Variants in PBX1 observed in about 807,000 individuals in gnomAD.
PBX1 encodes the protein pre-B-cell leukemia transcription factor 1.
PBX1 carries 6 observed loss-of-function variants against 53.4 expected under a neutral mutation model. The observed-to-expected ratio is 0.11, with a 90% CI of 0.06 to 0.22. The LOEUF is 0.22. Ranked by LOEUF, PBX1 falls within the 10% of genes least tolerant of loss-of-function variation. PBX1 has a pLI of 1.00. For missense variants in PBX1, 251 were observed against 551.4 expected (o/e 0.46, Z 5.46); for synonymous variants, 204 against 212.3 (o/e 0.96, Z 0.34).
At chr1:164,854,137 C>T (rs1268069347), downstream of PBX1, 1 of 151,894 alleles carries the variant, frequency 6.6e-6, no homozygotes, top group Non-Finnish European at 1.5e-5. Flanking sequence ...AACTCCTGGC[C>T]TCAAGTGATC....
At chr1:164,776,005 T>C (rs376128742) in intron 2 of PBX1, among the ~76,000 whole-genome samples, 1 of 152,202 alleles carries the variant, frequency 6.6e-6, no homozygotes, top group African/African-American at 2.4e-5. Flanking sequence ...TGTATACTAA[T>C]AATCGGTTTG....
chr1:164,677,701 A>G (rs1661515335), intron 2 of PBX1, among the ~76,000 whole-genome samples: 1 of 152,206 alleles, frequency 6.6e-6, no homozygotes, highest in Middle Eastern at 3.4e-3. Flanking sequence ...GAACAGATAC[A>G]TAGAAATCTT....
chr1:164,690,357 T>C (rs539191501), intron 2 of PBX1, among the ~76,000 whole-genome samples: 5 of 152,302 alleles, frequency 3.3e-5, no homozygotes, highest in Non-Finnish European at 4.4e-5. Flanking sequence ...TTTACAATTA[T>C]ATTTTTTGGA....
chr1:164,679,284 G>A (rs1178658096), intron 2 of PBX1, among the ~76,000 whole-genome samples: 1 of 152,154 alleles, frequency 6.6e-6, no homozygotes, highest in Non-Finnish European at 1.5e-5. Flanking sequence ...GCCAAATTCT[G>A]CACTTTTTGT....
chr1:164,664,762 T>C (rs1660708091), intron 2 of PBX1, among the ~76,000 whole-genome samples: 1 of 152,130 alleles, frequency 6.6e-6, no homozygotes, highest in African/African-American at 2.4e-5. Context: ...TCATATCTTA[T>C]GTGGATGGCA....
chr1:164,589,479 G>T (rs1655207321), intron 2 of PBX1, among the ~76,000 whole-genome samples: 1 of 152,060 alleles, frequency 6.6e-6, no homozygotes, highest in African/African-American at 2.4e-5. Context: ...GGGATATAAG[G>T]GTTCACCTTT....
chr1:164,798,028 G>A (rs1668871040), intron 3 of PBX1, among the ~76,000 whole-genome samples: 1 of 152,182 alleles, frequency 6.6e-6, no homozygotes, highest in South Asian at 2.1e-4. Context: ...TGAAGGGTCA[G>A]GAATGATTAA....
At chr1:164,678,138 G>A (rs556758477) in intron 2 of PBX1, among the ~76,000 whole-genome samples, 2 of 152,230 alleles carry the variant, frequency 1.3e-5, no homozygotes, top group Non-Finnish European at 2.9e-5. Flanking sequence ...GTGAAAGGGG[G>A]TGATCCAATG....
rs115818968 is a variant in PBX1, at chr1:164,575,506, G to A, written c.265+12195G>A. On this transcript the variant is annotated intron_variant, in intron 2 of 8. Coordinates refer to ENST00000420696, the MANE Select transcript of PBX1 (RefSeq NM_002585.4). ...GCAGAGAGAGTCAGTCGTTTTTCCT[G>A]AGGGCGTTAGGTGATTTGAGACCTC... 9.7e-3 allele frequency among the ~76,000 whole-genome samples: 1,485 copies of A among 152,318 alleles called. 22 individuals carry two copies. The highest frequency in any genetic ancestry group is 0.034 in the African/African-American group (1,423 of 41,566).
rs928852710 is a variant in PBX1 at position 164,846,877 on chromosome 1, T to C, written c.*201T>C. 2.8e-5 allele frequency: 39 copies of C among 1,401,800 alleles called. No individual in the cohort carries two copies. Among genetic ancestry groups the C allele is most frequent in the East Asian group, 2.3e-4 (9 of 39,606 alleles). 86.8% of individuals were successfully genotyped at this position (1,401,800 alleles called of 1,614,324 possible). On this transcript the variant is annotated 3_prime_UTR_variant, in exon 9 of 9. Transcript: ENST00000420696. Reference sequence around the variant, plus strand: ...TTCTTTATACTCTCTTCCCTTTTTTTTCTGGGTAGAAGCCACCCTTCCCTG... The same window carrying C: ...TTCTTTATACTCTCTTCCCTTTTTTCTCTGGGTAGAAGCCACCCTTCCCTG...
chr1:164,822,433 G>A (rs978956983), intron 8 of PBX1, among the ~76,000 whole-genome samples: 1 of 152,140 alleles, frequency 6.6e-6, no homozygotes, highest in African/African-American at 2.4e-5. Context: ...AAAGGTTTGG[G>A]TGGTGGGTAG....
intron 2 of PBX1, among the ~76,000 whole-genome samples, chr1:164,736,887 A>G (rs1442456538): frequency 6.6e-6 from 1 of 152,194 alleles, no homozygotes; most frequent in Non-Finnish European, 1.5e-5. Flanking sequence ...ACTCTATTAA[A>G]AGAAAGGAGA....
chr1:164,824,187 GC>G (rs1277965964), intron 8 of PBX1, among the ~76,000 whole-genome samples: 1 of 152,200 alleles, frequency 6.6e-6, no homozygotes, highest in Non-Finnish European at 1.5e-5. Context: ...GGCTTTCACA[GC>G]ACCCATATCT....
At chr1:164,856,859 A>C (rs907143447) in intron 2 of PBX1, among the ~76,000 whole-genome samples, 2 of 152,078 alleles carry the variant, frequency 1.3e-5, no homozygotes, top group African/African-American at 4.8e-5. Context: ...CTGGTCCCCT[A>C]TCTGCTGCTT....
chr1:164,573,528 G>T (rs1285083919), intron 2 of PBX1, among the ~76,000 whole-genome samples: 7 of 119,074 alleles, frequency 5.9e-5, no homozygotes, highest in Non-Finnish European at 9.6e-5. Flanking sequence ...GTCTCTCTCT[G>T]TCATCCAGGC....
intron 8 of PBX1, among the ~76,000 whole-genome samples, chr1:164,842,970 T>C (rs192524185): frequency 2.6e-5 from 3 of 115,258 alleles, no homozygotes; most frequent in East Asian, 5.8e-4. Flanking sequence ...CAGAGATAAA[T>C]AAACACACAA....
At chr1:164,694,064 C>CT (rs35958146) in intron 2 of PBX1, among the ~76,000 whole-genome samples, 35,546 of 151,338 alleles carry the variant, frequency 0.23, 4,379 homozygotes, top group East Asian at 0.45. Flanking sequence ...AGATTTCTAG[C>CT]TTTTTTTTTC....
intron 2 of PBX1, among the ~76,000 whole-genome samples, chr1:164,703,980 G>C (rs535518406): frequency 6.6e-6 from 1 of 152,306 alleles, no homozygotes; most frequent in South Asian, 2.1e-4. Context: ...GAGGGAAGGA[G>C]AAGGGAGGAG....
intron 2 of PBX1, among the ~76,000 whole-genome samples, chr1:164,688,672 C>A (rs1662268631): frequency 6.6e-6 from 1 of 152,136 alleles, no homozygotes; most frequent in South Asian, 2.1e-4. Context: ...TGACACATGA[C>A]CCTAACAACA....
Sources: allele counts gnomAD v4.1 joint callset (sites outside exome capture counted in the v4.1 genomes callset), GRCh38; gene constraint gnomAD v4.1.1; transcripts MANE v1.5; gene names NCBI Gene and HGNC (gene_info 2026-07-23, HGNC 2026-07-21).